SLC8B1: variants seen among roughly 807,000 people sequenced by gnomAD.
SLC8B1 encodes solute carrier family 8 member B1.
In SLC8B1, 52 loss-of-function variants were observed where a neutral mutation model predicts 63.4. The observed-to-expected ratio is 0.82, with a 90% confidence interval of 0.66 to 1.03. SLC8B1 has a LOEUF of 1.03. SLC8B1 is among the 50% of genes least tolerant of loss of function. The pLI, the probability that SLC8B1 is intolerant of heterozygous loss-of-function variation, is 0.00. For missense variants in SLC8B1, 657 were observed against 741.7 expected (o/e 0.89, Z 1.33); for synonymous variants, 336 against 323.9 (o/e 1.04, Z -0.40).
rs879320584 is a variant in SLC8B1 at position 113,334,624 on chromosome 12, C to T, written c.-264G>A. 2.6e-5 allele frequency: 4 copies of T among 152,270 alleles called. No homozygotes were observed. The highest frequency in any genetic ancestry group is 4.4e-5 in the Non-Finnish European group (3 of 68,068). 9.4% of individuals were successfully genotyped at this position (152,270 alleles called of 1,614,324 possible). ...ACTTCACCTCTCTGGGCCTCTTATTCCTCATGTGTGAAATGGACACAAATG... is the reference window on the plus strand; with the variant it reads ...ACTTCACCTCTCTGGGCCTCTTATTTCTCATGTGTGAAATGGACACAAATG... On this transcript the variant is annotated 5_prime_UTR_variant, in exon 1 of 16. Coordinates refer to ENST00000680972, the MANE Select transcript of SLC8B1 (RefSeq NM_001358345.2).
At chr12:113,319,208 C>T (rs1956886077) in intron 7 of SLC8B1, 137 bp from the exon 8 acceptor site, 1 of 657,788 alleles carries the variant, frequency 1.5e-6, no homozygotes, top group Admixed American at 2.3e-5. Context: ...GGGTAAATGG[C>T]CTTTTCCTTG....
At chr12:113,330,947 G>A (rs779059238) in intron 2 of SLC8B1, among the ~76,000 whole-genome samples, 1 of 152,136 alleles carries the variant, frequency 6.6e-6, no homozygotes, top group Non-Finnish European at 1.5e-5. Flanking sequence ...TCCCCTTACA[G>A]ACATCAGAGC....
In SLC8B1 at chr12:113,299,960, T is replaced by C; in HGVS notation, c.1572A>G (p.Gly524=). ...SHTEVKLEPD[G]LLVWVLAGAL... is the part of the protein sequence containing the mutation. ...CGCCTGCCAGGACCCACACCAGCAG[T>C]CCGTCTGGCTCCAGCTGTGGAAGAA... is the stretch of plus-strand genomic sequence containing the variant. Residue 524 remains glycine, a synonymous_variant, in exon 16 of 16, where the codon GGA becomes GGG. Transcript: ENST00000680972. 6.2e-7 allele frequency: 1 copy of C among 1,613,142 alleles called. No individual in the cohort carries two copies. The highest frequency in any genetic ancestry group is 8.5e-7 in the Non-Finnish European group (1 of 1,179,908).
At chr12:113,319,337 G>A (rs1484299245) in intron 7 of SLC8B1, 1 of 401,264 alleles carries the variant, frequency 2.5e-6, no homozygotes, top group Non-Finnish European at 4.7e-6. Context: ...AAGTACTAAG[G>A]GTCGGTGTCC....
At chr12:113,309,693 C>G (rs1196528622) in intron 12 of SLC8B1, among the ~76,000 whole-genome samples, 1 of 152,164 alleles carries the variant, frequency 6.6e-6, no homozygotes, top group Non-Finnish European at 1.5e-5. Context: ...GAGGTCGAGG[C>G]TGCAGTGAGC....
Position 113,319,069 on chromosome 12 carries a change from A to G in SLC8B1, c.697T>C (p.Tyr233His). 6.2e-7 allele frequency: 1 copy of G among 1,613,546 alleles called. No individual in the cohort carries two copies. The highest frequency in any genetic ancestry group is 8.5e-7 in the Non-Finnish European group (1 of 1,179,516). ...GRVTLAWALG[Y>H]LGLYVFYVVT... is the part of the protein sequence containing the mutation. ...ACATAGAACACATACAAGCCCAGGT[A>G]ACCTGCAGACGGGGTGCACGCCGTC... is the stretch of plus-strand genomic sequence containing the variant. The change falls in exon 8 of 16, where the codon TAC becomes CAC. Residue 233 changes from tyrosine (Y) to histidine (H), a missense_variant and splice_region_variant. Transcript: ENST00000680972.
Position 113,305,703 on chromosome 12 carries a change from C to CTG in SLC8B1, c.1492+790_1492+791dup, listed in dbSNP as rs1174520835. Among the ~76,000 whole-genome samples, 1 of 152,230 alleles carries CTG rather than the reference C, an allele frequency of 6.6e-6. No homozygotes were observed. The highest frequency in any genetic ancestry group is 2.4e-5 in the African/African-American group (1 of 41,462). ...ACTTATGCACTGTCTGTGCCTGTTT[C>CTG]TGCACTATAGCAGCAGAGTTGAGTA... On this transcript the variant is annotated intron_variant, in intron 14 of 15. Transcript: ENST00000680972. This position sits in a 1 kb window ranked among gnomAD's most constrained non-coding sequence, Gnocchi z 4.3.
In SLC8B1 at chr12:113,332,923, C is replaced by T. The variant is rs1957077006; in HGVS notation, c.-45G>A. 9 of 1,601,820 alleles carry T rather than the reference C, an allele frequency of 5.6e-6. No homozygotes were observed. The highest frequency in any genetic ancestry group is 7.7e-6 in the Non-Finnish European group (9 of 1,175,608). On this transcript the variant is annotated 5_prime_UTR_variant, in exon 2 of 16. Coordinates refer to ENST00000680972, the MANE Select transcript of SLC8B1 (RefSeq NM_001358345.2). ...CCCTTACTCTCCACTTCCCTTTCTG[C>T]AGTAGCTCAGTTCCAAACAGCTGGC...
At chr12:113,314,142 G>A (rs1423747699) in intron 11 of SLC8B1, among the ~76,000 whole-genome samples, 1 of 152,268 alleles carries the variant, frequency 6.6e-6, no homozygotes, top group African/African-American at 2.4e-5. Context: ...GAGAATGGAG[G>A]GCTGTGATGA....
chr12:113,310,744 A>G (rs1475468772), intron 11 of SLC8B1, among the ~76,000 whole-genome samples: 1 of 152,210 alleles, frequency 6.6e-6, no homozygotes, highest in African/African-American at 2.4e-5. Context: ...TGAACCTGAC[A>G]GTCAAACCCA....
intron 9 of SLC8B1, 53 bp downstream of exon 9, chr12:113,316,889 C>T (rs1956842917): frequency 1.3e-6 from 2 of 1,591,076 alleles, no homozygotes; most frequent in South Asian, 2.2e-5. Flanking sequence ...TCTTTCCACC[C>T]CCAGCCTTTC....
intron 15 of SLC8B1, among the ~76,000 whole-genome samples, chr12:113,300,550 A>T (rs1395928793): frequency 6.6e-6 from 1 of 152,228 alleles, no homozygotes; most frequent in Non-Finnish European, 1.5e-5. Flanking sequence ...TGAGGGCACC[A>T]GCTGGGGGCC....
intron 11 of SLC8B1, among the ~76,000 whole-genome samples, chr12:113,314,608 C>T (rs915006087): frequency 2.0e-5 from 3 of 152,122 alleles, no homozygotes; most frequent in Admixed American, 1.3e-4. Flanking sequence ...GTCACATAAA[C>T]GAGGGAAGGG....
At chr12:113,314,318 C>T (rs376034144) in intron 11 of SLC8B1, among the ~76,000 whole-genome samples, 12 of 152,226 alleles carry the variant, frequency 7.9e-5, no homozygotes, top group East Asian at 3.9e-4. Flanking sequence ...AGTTTCATCC[C>T]GACACTGTTA....
At chr12:113,328,756 T>C (rs546255232) in intron 2 of SLC8B1, among the ~76,000 whole-genome samples, 2 of 151,542 alleles carry the variant, frequency 1.3e-5, no homozygotes, top group East Asian at 3.9e-4. Flanking sequence ...TTTTTTTTTT[T>C]TTTTTCCTTT....
At chr12:113,318,388 G>T (rs772268809) in intron 8 of SLC8B1, among the ~76,000 whole-genome samples, 11 of 151,846 alleles carry the variant, frequency 7.2e-5, no homozygotes, top group Non-Finnish European at 1.2e-4. Context: ...GTATATGTGT[G>T]CATGTATTTG....
intron 2 of SLC8B1, 85 bp from the exon 3 acceptor site, chr12:113,321,433 G>C: frequency 3.2e-6 from 5 of 1,577,696 alleles, no homozygotes; most frequent in Non-Finnish European, 3.5e-6. Context: ...TAAACATAAT[G>C]TCCCTTCAGC....
chr12:113,299,891 C>A lies in SLC8B1; in HGVS notation c.1641G>T (p.Leu547Phe). The change falls in exon 16 of 16, where the codon TTG (leucine) becomes TTT (phenylalanine). Residue 547 changes from leucine to phenylalanine, a missense_variant. By Grantham distance (22) the Leu-to-Phe change is conservative (BLOSUM62 0). Transcript: ENST00000680972. ...SLVFSLVSVPLQCFQLSRVYG... is the reference protein window; with the variant it reads ...SLVFSLVSVPFQCFQLSRVYG... ...AGACTCTGCTGAGCTGGAAGCACTG[C>A]AATGGGACTGAGACCAGGGAGAAGA... 1 of 1,614,218 alleles carries A rather than the reference C, an allele frequency of 6.2e-7. No homozygotes were observed. Among genetic ancestry groups the A allele is most frequent in the African/African-American group, 1.3e-5 (1 of 75,058 alleles).
At chr12:113,316,003 T>C (rs1346871240) in intron 10 of SLC8B1, among the ~76,000 whole-genome samples, 1 of 152,102 alleles carries the variant, frequency 6.6e-6, no homozygotes, top group Non-Finnish European at 1.5e-5. Flanking sequence ...GGCGGGCGGA[T>C]CACGAGGTCA....
Sources: gnomAD v4.1 joint callset for allele counts (sites outside exome capture counted in the v4.1 genomes callset) on GRCh38, gnomAD v4.1.1 for gene constraint, Gnocchi (gnomAD v3.1) non-coding constraint, MANE v1.5 for transcripts, NCBI Gene and HGNC (gene_info 2026-07-23, HGNC 2026-07-21) for gene names.